The following CARS2 variants were observed in gnomAD, a reference collection of about 807,000 sequenced individuals.
CARS2 encodes the protein cysteinyl-tRNA synthetase 2, mitochondrial.
A neutral mutation model predicts 68.8 loss-of-function variants in CARS2; 52 were observed. The ratio of observed to expected loss-of-function variants is 0.76; its 90% confidence interval spans 0.61 to 0.95. The LOEUF (loss-of-function observed/expected upper bound fraction) is 0.95. CARS2 is among the 40% of genes least tolerant of loss of function. CARS2 has a pLI of 0.00. For missense variants in CARS2, 780 were observed against 754.2 expected (o/e 1.03, Z -0.40); for synonymous variants, 314 against 303.6 (o/e 1.03, Z -0.36).
At chr13:110,671,499 C>T (rs2062802718) in intron 7 of CARS2, among the ~76,000 whole-genome samples, 1 of 152,144 alleles carries the variant, frequency 6.6e-6, no homozygotes, top group African/African-American at 2.4e-5. Context: ...AAATCCTTTA[C>T]AGACAAGCAA....
intron 8 of CARS2, 49 bp downstream of exon 8, chr13:110,667,291 G>A (rs747300606): frequency 6.5e-7 from 1 of 1,546,954 alleles, no homozygotes; most frequent in Admixed American, 1.8e-5. Flanking sequence ...GACAAAGACA[G>A]AACTGCTAGA....
chr13:110,684,642 A>G (rs902407231), intron 5 of CARS2, among the ~76,000 whole-genome samples: 5 of 150,524 alleles, frequency 3.3e-5, no homozygotes, highest in Non-Finnish European at 5.9e-5. Context: ...CTGGTCATTC[A>G]GGGTTGACCA....
intron 3 of CARS2, among the ~76,000 whole-genome samples, chr13:110,700,303 C>T (rs1010487827): frequency 2.0e-5 from 3 of 152,184 alleles, no homozygotes; most frequent in Non-Finnish European, 4.4e-5. Flanking sequence ...AAGAAAGAGG[C>T]GCTCGGGGAC....
At chr13:110,672,775 G>A (rs1428013187) in intron 7 of CARS2, among the ~76,000 whole-genome samples, 4 of 152,162 alleles carry the variant, frequency 2.6e-5, no homozygotes, top group African/African-American at 7.2e-5. Flanking sequence ...ATGAATCCAG[G>A]AGCTGGTTTT....
chr13:110,683,740 GGT>G lies in CARS2; in HGVS notation c.572-608_572-607del, dbSNP rs571972187. On this transcript the variant is annotated intron_variant, in intron 5 of 14. Transcript: ENST00000257347. ...TCAGATTGAAAACATCATCTGGCTG[GGT>G]GCAGTGGCTCACGCCTCCAATCCCA... 9.0e-3 allele frequency among the ~76,000 whole-genome samples: 1,365 copies of G among 152,262 alleles called. 18 individuals are homozygous for G. Among genetic ancestry groups the G allele is most frequent in the African/African-American group, 0.031 (1,297 of 41,540 alleles).
At chr13:110,699,370 A>T (rs2139917818) in intron 3 of CARS2, among the ~76,000 whole-genome samples, 1 of 152,318 alleles carries the variant, frequency 6.6e-6, no homozygotes, top group African/African-American at 2.4e-5. Context: ...GGTGCTGACC[A>T]TGGACGCCGG....
At chr13:110,647,296 G>A (rs1888272425) in intron 10 of CARS2, 57 bp from the exon 11 acceptor site, 1 of 1,573,824 alleles carries the variant, frequency 6.4e-7, no homozygotes, top group South Asian at 1.1e-5. Flanking sequence ...CCCCTGCCCT[G>A]GTCCAGCAGA....
chr13:110,683,047 C>T lies in CARS2; in HGVS notation c.655+4G>A, dbSNP rs369200736. 10 of 1,596,846 alleles carry T rather than the reference C, an allele frequency of 6.3e-6. No homozygotes were observed. Among genetic ancestry groups the T allele is most frequent in the South Asian group, 2.3e-5 (2 of 88,762 alleles). On this transcript the variant is annotated splice_donor_region_variant and intron_variant, in intron 6 of 14. Transcript: ENST00000257347. The stretch of plus-strand genomic sequence containing the variant: ...ACCCACAGGGCTGAGCCCGGCCAAC[C>T]CACCTGGCTCTCCGACTGGACCAGG...
intron 7 of CARS2, among the ~76,000 whole-genome samples, chr13:110,672,044 G>A (rs2062817431): frequency 6.6e-6 from 1 of 152,172 alleles, no homozygotes; most frequent in African/African-American, 2.4e-5. Flanking sequence ...ACCTAATACA[G>A]GAGCACCCAG....
chr13:110,678,613 G>C (rs775000278), intron 6 of CARS2, among the ~76,000 whole-genome samples: 46 of 152,200 alleles, frequency 3.0e-4, no homozygotes, highest in Non-Finnish European at 6.3e-4. Context: ...CATGGCAAAC[G>C]AGAGCATCAA....
intron 2 of CARS2, among the ~76,000 whole-genome samples, chr13:110,704,494 C>A (rs1454469173): frequency 1.3e-5 from 2 of 152,288 alleles, no homozygotes; most frequent in East Asian, 1.9e-4. Context: ...GAGGCCAAGG[C>A]AGGTGGATCA....
chr13:110,700,998 C>T (rs1459533173), intron 3 of CARS2, among the ~76,000 whole-genome samples: 1 of 152,262 alleles, frequency 6.6e-6, no homozygotes, highest in Admixed American at 6.5e-5. Context: ...TCTCAGATTA[C>T]ACCCACTGGC....
intron 6 of CARS2, among the ~76,000 whole-genome samples, chr13:110,682,778 G>A (rs2063193846): frequency 6.6e-6 from 1 of 152,168 alleles, no homozygotes; most frequent in Non-Finnish European, 1.5e-5. Context: ...ACCCTGGGGA[G>A]GAAAAAGGAG....
chr13:110,712,971 G>A (rs761795696), intron 1 of CARS2: 25 of 1,559,146 alleles, frequency 1.6e-5, no homozygotes, highest in Middle Eastern at 1.7e-4. Flanking sequence ...GTCCGGCCGC[G>A]GAATGGGTAG....
chr13:110,713,104 T>C, intron 1 of CARS2: 1 of 1,438,792 alleles, frequency 7.0e-7, no homozygotes, highest in Non-Finnish European at 9.1e-7. Flanking sequence ...GACTTGGGTT[T>C]CTAGTAGTAA....
intron 7 of CARS2, among the ~76,000 whole-genome samples, chr13:110,669,541 A>T (rs2062743792): frequency 6.6e-6 from 1 of 152,222 alleles, no homozygotes; most frequent in Non-Finnish European, 1.5e-5. Flanking sequence ...GCTATCAAGT[A>T]TACTAAAATC....
intron 6 of CARS2, among the ~76,000 whole-genome samples, chr13:110,680,323 G>A (rs9555723): frequency 0.53 from 79,908 of 151,942 alleles, 22,426 homozygotes; most frequent in Non-Finnish European, 0.64. Flanking sequence ...AACCTGGGAG[G>A]TGGAGGTTGC....
intron 8 of CARS2, chr13:110,664,900 A>G (rs2062606768): frequency 1.5e-6 from 1 of 685,920 alleles, no homozygotes; most frequent in East Asian, 1.3e-4. Context: ...GCGCTGACGC[A>G]GGACTCCCAG....
At chr13:110,642,694 T>G in intron 13 of CARS2, 173 bp from the exon 14 acceptor site, 1 of 771,604 alleles carries the variant, frequency 1.3e-6, no homozygotes. Flanking sequence ...CCGCGAGCGC[T>G]GGGCTCTGGG....
Sources: gnomAD v4.1 joint callset for allele counts (sites outside exome capture counted in the v4.1 genomes callset) on GRCh38, gnomAD v4.1.1 for gene constraint, MANE v1.5 for transcripts, NCBI Gene and HGNC (gene_info 2026-07-23, HGNC 2026-07-21) for gene names.